SPTBN2: variants seen among roughly 807,000 people sequenced by gnomAD.
The protein encoded by SPTBN2 is spectrin beta chain, non-erythrocytic 2.
In SPTBN2, 107 loss-of-function variants were observed where a neutral mutation model predicts 284.2. The ratio of observed to expected loss-of-function variants is 0.38; its 90% CI spans 0.32 to 0.44. The LOEUF is 0.44. Among genes scored for constraint, SPTBN2 ranks in the 20% least tolerant of loss-of-function variants. The pLI, the probability that SPTBN2 is intolerant of heterozygous loss-of-function variation, is 1.00. For synonymous variants in SPTBN2, 1,289 were observed against 1,354.8 expected, an observed-to-expected ratio of 0.95 and a Z score of 1.07; for missense variants, 2,569 against 3,287.1, an observed-to-expected ratio of 0.78 and a Z score of 5.34.
chr11:66,713,781 CAT>C (rs1335625889), intron 7 of SPTBN2, 35 bp from the exon 8 acceptor site: 6 of 1,486,362 alleles, frequency 4.0e-6, no homozygotes, highest in Non-Finnish European at 3.8e-6. Context: ...GGATCAGAAA[CAT>C]GTGAGATCTC....
intron 1 of SPTBN2, among the ~76,000 whole-genome samples, chr11:66,738,106 T>C (rs1331328545): frequency 6.6e-6 from 1 of 152,004 alleles, no homozygotes; most frequent in East Asian, 1.9e-4. Context: ...TCCCAGCTAC[T>C]CAGGAGGCTG....
rs1211153916 is a variant in SPTBN2 at position 66,691,561 on chromosome 11, G to C, written c.5288C>G (p.Ala1763Gly). The C allele has an allele frequency of 6.2e-7, 1 of 1,613,562 alleles. No individual in the cohort carries two copies. Among genetic ancestry groups the C allele is most frequent in the African/African-American group, 1.3e-5 (1 of 75,076 alleles). ...GGTGGCCCGTGCAGCATGGCCCCCA[G>C]CAATGAGCCCATTGGCCAGCGCATT... ...SANALANGLI[A>G]GGHAARATVA... Residue 1763 changes from alanine to glycine, a missense_variant, in exon 27 of 38, where the codon GCT becomes GGT. Ala to Gly is a moderately conservative substitution (Grantham distance 60). Coordinates refer to ENST00000533211, the MANE Select transcript of SPTBN2 (RefSeq NM_006946.4). The surrounding 1 kb of genome is among the most constrained non-coding windows in gnomAD (Gnocchi z 8.0).
intron 3 of SPTBN2, 29 bp downstream of exon 3, chr11:66,721,055 C>G (rs766748834): frequency 1.2e-6 from 2 of 1,614,060 alleles, no homozygotes; most frequent in South Asian, 2.2e-5. Context: ...CTCCAGCATC[C>G]CCCCACCTCG....
intron 36 of SPTBN2, 149 bp from the exon 37 acceptor site, chr11:66,686,589 A>G: frequency 1.2e-6 from 1 of 861,466 alleles, no homozygotes; most frequent in Non-Finnish European, 1.9e-6. Context: ...CACATTCTTC[A>G]GCTTCCCCAG....
At chr11:66,722,575 CAAAAAA>C (rs35183530) in intron 1 of SPTBN2, among the ~76,000 whole-genome samples, 1 of 50,982 alleles carries the variant, frequency 2.0e-5, no homozygotes, top group Non-Finnish European at 3.5e-5. Flanking sequence ...GACTCTGTCT[CAAAAAA>C]AAAAAAAAAA....
Position 66,710,600 on chromosome 11 carries a change from G to A in SPTBN2, c.1055C>T (p.Thr352Ile). ...CACCTACTTGGGCGGCTTCTCCACG[G>A]TGCGGTAGGAGTTGAAGGACTGCAG... Reference protein sequence around the residue: ...NQLQSFNSYRTVEKPPKFTEK... With the variant: ...NQLQSFNSYRIVEKPPKFTEK... Residue 352 changes from threonine to isoleucine, a missense_variant, in exon 10 of 38, where the codon ACC (threonine) becomes ATC (isoleucine). By Grantham distance (89) the Thr-to-Ile change is moderately conservative. Transcript: ENST00000533211. The surrounding 1 kb of genome is among the most constrained non-coding windows in gnomAD (Gnocchi z 4.9). 2 of 1,613,914 alleles carry A rather than the reference G, an allele frequency of 1.2e-6. No homozygotes were observed. Among genetic ancestry groups the A allele is most frequent in the Non-Finnish European group, 1.7e-6 (2 of 1,179,936 alleles).
intron 15 of SPTBN2, among the ~76,000 whole-genome samples, chr11:66,702,741 A>G (rs1941312918): frequency 1.3e-5 from 2 of 151,850 alleles, no homozygotes; most frequent in South Asian, 4.2e-4. Context: ...GATCGAGACC[A>G]TCCTGGCTAA....
intron 2 of SPTBN2, 34 bp downstream of exon 2, chr11:66,721,316 C>G: frequency 1.3e-6 from 2 of 1,587,840 alleles, no homozygotes; most frequent in East Asian, 2.2e-5. Context: ...AAGCCCTCCA[C>G]TCACCACCGG....
Position 66,718,279 on chromosome 11 carries a change from C to T in SPTBN2, c.158-2298G>A, listed in dbSNP as rs752885292. 2.0e-5 allele frequency among the ~76,000 whole-genome samples: 3 copies of T among 152,246 alleles called. No homozygotes were observed. The highest frequency in any genetic ancestry group is 6.5e-5 in the Admixed American group (1 of 15,290). On this transcript the variant is annotated intron_variant, in intron 3 of 37. Transcript: ENST00000533211. This position sits in a 1 kb window ranked among gnomAD's most constrained non-coding sequence, Gnocchi z 4.8. ...CCGTTGACATCTGTGTATTTTCCGGCCTCTTGTAATTATCCCCTCTAAGCT... is the reference window on the plus strand; with the variant it reads ...CCGTTGACATCTGTGTATTTTCCGGTCTCTTGTAATTATCCCCTCTAAGCT...
chr11:66,734,702 C>T (rs1405091990), intron 1 of SPTBN2, among the ~76,000 whole-genome samples: 1 of 152,154 alleles, frequency 6.6e-6, no homozygotes, highest in Non-Finnish European at 1.5e-5. Flanking sequence ...GCATGAGCGC[C>T]ATGAGGGAAG....
chr11:66,742,317 C>T (rs989612831), intron 1 of SPTBN2, among the ~76,000 whole-genome samples: 6 of 152,310 alleles, frequency 3.9e-5, no homozygotes, highest in South Asian at 2.1e-4. Flanking sequence ...GTTTACGCTA[C>T]GGAAGTCCTG....
At position 66,696,295 on chromosome 11, in the gene SPTBN2, G is replaced by A; in HGVS notation, c.4260C>T (p.Ile1420=). Residue 1420 remains isoleucine, a synonymous_variant, in exon 21 of 38, where the codon ATC becomes ATT. Transcript: ENST00000533211. ...AGCACACCTGCTGCTTCTTGAGCAGGATGTTGACGCTGGTGAGGTCCTTGC... is the reference window on the plus strand; with the variant it reads ...AGCACACCTGCTGCTTCTTGAGCAGAATGTTGACGCTGGTGAGGTCCTTGC... ...DYGKDLTSVN[I]LLKKQQMLEW... 1.2e-6 allele frequency: 2 copies of A among 1,612,352 alleles called. No individual in the cohort carries two copies. Among genetic ancestry groups the A allele is most frequent in the Non-Finnish European group, 1.7e-6 (2 of 1,180,024 alleles).
In SPTBN2 at chr11:66,718,887, G is replaced by A. The variant is rs960219904; in HGVS notation, c.157+2197C>T. On this transcript the variant is annotated intron_variant, in intron 3 of 37. Transcript: ENST00000533211. The surrounding 1 kb of genome is among the most constrained non-coding windows in gnomAD (Gnocchi z 4.8). Reference sequence around the variant, plus strand: ...ACAGTGTTGGGGAGGGGAGAGAGGCGGAGTGTGGCCGGCGGGGGCAGGGCC... The same window carrying A: ...ACAGTGTTGGGGAGGGGAGAGAGGCAGAGTGTGGCCGGCGGGGGCAGGGCC... Among the ~76,000 whole-genome samples the A allele has an allele frequency of 8.5e-5, 13 of 152,354 alleles. No homozygotes were observed. Among genetic ancestry groups the A allele is most frequent in the Admixed American group, 5.2e-4 (8 of 15,308 alleles).
At chr11:66,714,494 C>A in intron 5 of SPTBN2, 87 bp from the exon 6 acceptor site, 1 of 1,180,738 alleles carries the variant, frequency 8.5e-7, no homozygotes, top group Non-Finnish European at 1.3e-6. Context: ...CAGGAAACTG[C>A]TCTTTAGACT....
chr11:66,697,606 C>A (rs1031744947), intron 20 of SPTBN2, among the ~76,000 whole-genome samples: 1 of 152,166 alleles, frequency 6.6e-6, no homozygotes, highest in South Asian at 2.1e-4. Context: ...CTCCATATCT[C>A]CACTTGTCCA....
Position 66,708,125 on chromosome 11 carries a change from G to C in SPTBN2, c.1350+16C>G, listed in dbSNP as rs1204608948. The C allele has an allele frequency of 5.0e-6, 8 of 1,612,906 alleles. No homozygotes were observed. In the African/African-American group the frequency reaches 1.1e-4, roughly 22 times the overall value. ...GTTCTGACCAGCCTAAGCATCCTAG[G>C]AGCCTCAAGTCCTACCTGGGACACG... On this transcript the variant is annotated intron_variant, in intron 12 of 37. Coordinates refer to ENST00000533211, the MANE Select transcript of SPTBN2 (RefSeq NM_006946.4). The surrounding 1 kb of genome is among the most constrained non-coding windows in gnomAD (Gnocchi z 4.4).
Position 66,709,004 on chromosome 11 carries a change from C to A in SPTBN2, c.1089G>T (p.Gly363=). ...TGGTGAAGAGCAGCACTTCCAAGTT[C>A]CCTTTCTCGGTAAACCTGAGGCAGG... ...VEKPPKFTEK[G]NLEVLLFTIQ... is the part of the protein sequence containing the mutation. Residue 363 remains glycine (G), a synonymous_variant, in exon 11 of 38, where the codon GGG becomes GGT. Transcript: ENST00000533211. 6.2e-7 allele frequency: 1 copy of A among 1,613,998 alleles called. No individual in the cohort carries two copies. Among genetic ancestry groups the A allele is most frequent in the Non-Finnish European group, 8.5e-7 (1 of 1,179,960 alleles).
chr11:66,699,064 G>A lies in SPTBN2; in HGVS notation c.3795C>T (p.Asp1265=), dbSNP rs141779130. ...SIERRHKKNQ[D]AAQQFLGRLR... is the part of the protein sequence containing the mutation. ...GACGGCCCAGAAATTGCTGCGCTGC[G>A]TCTTGATTCTTCTTGTGCCTGGAAC... The change falls in exon 19 of 38, where the codon GAC becomes GAT. Residue 1265 remains aspartate (D), a synonymous_variant. Transcript: ENST00000533211. The A allele has an allele frequency of 2.8e-5, 46 of 1,614,186 alleles. No homozygotes were observed. Among genetic ancestry groups the A allele is most frequent in the Admixed American group, 3.3e-5 (2 of 60,020 alleles).
intron 20 of SPTBN2, among the ~76,000 whole-genome samples, chr11:66,697,522 C>T (rs2135389909): frequency 6.6e-6 from 1 of 152,296 alleles, no homozygotes; most frequent in Middle Eastern, 3.4e-3. Flanking sequence ...GACTCACTCA[C>T]CCCCTTGCTC....
Sources: allele counts gnomAD v4.1 joint callset (sites outside exome capture counted in the v4.1 genomes callset), GRCh38; gene constraint gnomAD v4.1.1; non-coding constraint Gnocchi (gnomAD v3.1); transcripts MANE v1.5; gene names NCBI Gene and HGNC (gene_info 2026-07-23, HGNC 2026-07-21).